SCAPER: variants seen among roughly 807,000 people sequenced by gnomAD.
SCAPER encodes the protein S-phase cyclin A associated protein in the ER, also known as S phase cyclin A-associated protein in the endoplasmic reticulum.
Under a neutral mutation model 182.2 loss-of-function variants are expected in SCAPER, and 98 were observed. The ratio of observed to expected loss-of-function variants is 0.54; its 90% CI spans 0.46 to 0.64. The LOEUF is 0.64. SCAPER is among the 30% of genes least tolerant of loss of function. SCAPER has a pLI of 0.00. For missense variants in SCAPER, 1,432 were observed against 1,690.0 expected (o/e 0.85, Z 2.68); for synonymous variants, 605 against 564.6 (o/e 1.07, Z -1.01).
chr15:76,835,429 A>T (rs547178663), intron 5 of SCAPER, among the ~76,000 whole-genome samples: 2 of 152,342 alleles, frequency 1.3e-5, no homozygotes, highest in East Asian at 3.9e-4. Flanking sequence ...CATAAACAGA[A>T]CTAAAAACAA....
chr15:76,714,462 C>T (rs998949420), intron 17 of SCAPER, among the ~76,000 whole-genome samples: 6 of 152,048 alleles, frequency 3.9e-5, no homozygotes, highest in Non-Finnish European at 7.4e-5. Context: ...CCCTGGGCCC[C>T]AGCAATTCCA....
At chr15:76,628,776 A>G (rs777154001) in intron 21 of SCAPER, among the ~76,000 whole-genome samples, 3 of 152,214 alleles carry the variant, frequency 2.0e-5, no homozygotes, top group Non-Finnish European at 2.9e-5. Context: ...GATCCATATG[A>G]ATTTTAAAAT....
At chr15:76,765,122 G>A in intron 13 of SCAPER, 50 bp from the exon 14 acceptor site, 1 of 1,348,292 alleles carries the variant, frequency 7.4e-7, no homozygotes, top group Non-Finnish European at 1.0e-6. Flanking sequence ...TACATGATAA[G>A]GCCAGAAAAA....
chr15:76,711,372 T>G (rs753742705), intron 17 of SCAPER, among the ~76,000 whole-genome samples: 49 of 152,282 alleles, frequency 3.2e-4, no homozygotes, highest in Middle Eastern at 6.8e-3. Context: ...GCACAAGCTT[T>G]GACATTTCAC....
intron 20 of SCAPER, among the ~76,000 whole-genome samples, chr15:76,674,487 G>C (rs2146906881): frequency 6.6e-6 from 1 of 152,254 alleles, no homozygotes; most frequent in East Asian, 1.9e-4. Context: ...TGTAGCTTGA[G>C]GTGACCATGT....
chr15:76,665,694 AT>A lies in SCAPER; in HGVS notation c.2603del (p.Asn868IlefsTer8). The A allele has an allele frequency of 6.3e-7, 1 of 1,578,670 alleles. No homozygotes were observed. The highest frequency in any genetic ancestry group is 1.2e-5 in the South Asian group (1 of 85,718). On this transcript the variant is annotated frameshift_variant, in exon 21 of 32. Coordinates refer to ENST00000563290, the MANE Select transcript of SCAPER (RefSeq NM_020843.4). LOFTEE classifies it high-confidence loss of function. ...CTTTTATCTTTTTGGCTTTTTTTTT[AT>A]TTTTTTGCCGCTCTTCTCCATCTTT... ...ALKDGEERQK[N>X]KKKAKKIKAR...
At chr15:76,577,424 G>C (rs1239301160) in intron 22 of SCAPER, among the ~76,000 whole-genome samples, 5 of 152,116 alleles carry the variant, frequency 3.3e-5, no homozygotes, top group Admixed American at 3.3e-4. Context: ...TCTAGCCTGG[G>C]TGAAAAAGCA....
At chr15:76,547,679 C>A (rs557990263) in intron 23 of SCAPER, among the ~76,000 whole-genome samples, 14 of 151,696 alleles carry the variant, frequency 9.2e-5, no homozygotes, top group Non-Finnish European at 1.8e-4. Flanking sequence ...CATTTGCTCA[C>A]TTACTCTATC....
At chr15:76,706,169 G>A (rs1022334566) in intron 17 of SCAPER, among the ~76,000 whole-genome samples, 185 bp from the exon 18 acceptor site, 1 of 152,138 alleles carries the variant, frequency 6.6e-6, no homozygotes, top group Non-Finnish European at 1.5e-5. Flanking sequence ...AAACAATAGA[G>A]ATTATCAGTT....
At chr15:76,797,690 T>G (rs776229624) in intron 7 of SCAPER, 1 of 152,204 alleles carries the variant, frequency 6.6e-6, no homozygotes, top group Non-Finnish European at 1.5e-5. Flanking sequence ...AGGAAACCTC[T>G]GTCAAATCGT....
At chr15:76,863,605 G>T (rs915670138) in intron 2 of SCAPER, among the ~76,000 whole-genome samples, 1 of 152,178 alleles carries the variant, frequency 6.6e-6, no homozygotes, top group Non-Finnish European at 1.5e-5. Context: ...AAGCAAACAT[G>T]TAAGAGTAAA....
chr15:76,771,997 C>G (rs370740105), intron 9 of SCAPER, 43 bp from the exon 10 acceptor site: 2 of 1,404,122 alleles, frequency 1.4e-6, no homozygotes, highest in Non-Finnish European at 2.0e-6. Context: ...TTAAAAAATA[C>G]CAACTATTCC....
chr15:76,856,588 T>C (rs569068393), intron 4 of SCAPER, among the ~76,000 whole-genome samples: 1 of 151,830 alleles, frequency 6.6e-6, no homozygotes, highest in Non-Finnish European at 1.5e-5. Flanking sequence ...TGTGTGGGGA[T>C]GGGGGATTCT....
At chr15:76,810,551 C>A (rs2896795) in intron 5 of SCAPER, among the ~76,000 whole-genome samples, 18,187 of 132,960 alleles carry the variant, frequency 0.14, 1,370 homozygotes, top group African/African-American at 0.21. Flanking sequence ...AAAAAAAAAA[C>A]CACACACACA....
At chr15:76,840,991 C>G (rs927236015) in intron 5 of SCAPER, among the ~76,000 whole-genome samples, 1 of 152,162 alleles carries the variant, frequency 6.6e-6, no homozygotes, top group Non-Finnish European at 1.5e-5. Flanking sequence ...ATAAGTATCT[C>G]AATGGAAAGG....
chr15:76,670,324 GATATAA>G (rs1567753839), intron 20 of SCAPER, among the ~76,000 whole-genome samples: 2 of 151,840 alleles, frequency 1.3e-5, no homozygotes, highest in African/African-American at 4.8e-5. Flanking sequence ...TGCTATATTT[GATATAA>G]ATATATATTC....
At chr15:76,648,284 G>A (rs780527893) in intron 21 of SCAPER, among the ~76,000 whole-genome samples, 5 of 151,118 alleles carry the variant, frequency 3.3e-5, no homozygotes, top group South Asian at 2.1e-4. Context: ...AAATAAAAAC[G>A]TCACTGGATG....
At position 76,702,913 on chromosome 15, in the gene SCAPER, A is replaced by G. The variant is rs1380565872; in HGVS notation, c.2337T>C (p.Thr779=). Residue 779 remains threonine (T), a synonymous_variant, in exon 19 of 32, where the codon ACT becomes ACC. Coordinates refer to ENST00000563290, the MANE Select transcript of SCAPER (RefSeq NM_020843.4). ...AAGGGGTCAGTTTGGGGGCATAATC[A>G]GTATTTGCATGTCGCCCACTGCTTA... is the stretch of plus-strand genomic sequence containing the variant. The part of the protein sequence containing the change: ...AELSSGRHAN[T]DYAPKLTPYE... The G allele has an allele frequency of 3.1e-6, 5 of 1,611,458 alleles. No homozygotes were observed. In the East Asian group the frequency reaches 8.9e-5, roughly 29 times the overall value.
chr15:76,369,421 T>C (rs1331310592), intron 29 of SCAPER, among the ~76,000 whole-genome samples: 1 of 152,236 alleles, frequency 6.6e-6, no homozygotes, highest in Non-Finnish European at 1.5e-5. Flanking sequence ...TTCTTAAGTA[T>C]AGAAGTGAGG....
Sources: allele counts gnomAD v4.1 joint callset (sites outside exome capture counted in the v4.1 genomes callset), GRCh38; gene constraint gnomAD v4.1.1; transcripts MANE v1.5; gene names NCBI Gene and HGNC (gene_info 2026-07-23, HGNC 2026-07-21).